The following CHD1 variants were observed in gnomAD, a reference collection of about 807,000 sequenced individuals.
CHD1 encodes chromodomain helicase DNA binding protein 1, also known as ATP-dependent chromatin remodeler CHD1.
CHD1 carries 36 observed loss-of-function variants against 224.2 expected under a neutral mutation model. The ratio of observed to expected loss-of-function variants is 0.16; its 90% confidence interval spans 0.12 to 0.21. The LOEUF (loss-of-function observed/expected upper bound fraction) is 0.21. Among genes scored for constraint, CHD1 ranks in the 10% least tolerant of loss-of-function variants. The pLI, the probability that CHD1 is intolerant of heterozygous loss-of-function variation, is 1.00. For synonymous variants in CHD1, 668 were observed against 658.3 expected (o/e 1.01, Z -0.23); for missense variants, 1,378 against 1,994.8 (o/e 0.69, Z 5.89).
chr5:98,890,249 C>T (rs2112458597), intron 15 of CHD1, among the ~76,000 whole-genome samples: 1 of 152,208 alleles, frequency 6.6e-6, no homozygotes. Flanking sequence ...TTTACAAGGT[C>T]AGTTTTTGAA....
intron 17 of CHD1, 64 bp downstream of exon 17, chr5:98,888,020 GTTAA>G (rs1750766027): frequency 9.6e-7 from 1 of 1,045,310 alleles, no homozygotes; most frequent in African/African-American, 1.6e-5. Context: ...AATAATTTCA[GTTAA>G]TTCTGTAAAA....
At chr5:98,879,418 TGA>T in intron 23 of CHD1, 132 bp downstream of exon 23, 1 of 640,014 alleles carries the variant, frequency 1.6e-6, no homozygotes, top group Non-Finnish European at 2.5e-6. Context: ...ACTCATTTCA[TGA>T]GGCAAACATT....
rs1561507642 is a variant in CHD1, at chr5:98,883,852, T to TAA, written c.2569-616_2569-615insTT. On this transcript the variant is annotated intron_variant, in intron 18 of 35. Coordinates refer to ENST00000614616, the MANE Select transcript of CHD1 (RefSeq NM_001270.4). ...ATATATATATATATATATATATATA[T>TAA]ATATATATATTTTTTTTTTTTTTTT... The TAA allele has an allele frequency of 8.1e-4, 28 of 34,442 alleles. 1 individual carries two copies. The Admixed American group carries it at 0.015, about 18-fold the overall frequency. The allele number at this position is 34,442 out of a possible 1,614,324, so 2.1% of individuals were successfully genotyped here.
In CHD1 at chr5:98,898,393, A is replaced by G. The variant is rs763343673; in HGVS notation, c.1228T>C (p.Tyr410His). ...TATGGAAGGCCCTGCCATTTGCAGT[A>G]ATAATCAGGATAACCAGCTGCTGAC... ...QKSAAGYPDY[Y>H]CKWQGLPYSE... is the part of the protein sequence containing the mutation. Residue 410 changes from tyrosine (Y) to histidine (H), a missense_variant, in exon 10 of 36, where the codon TAC becomes CAC. Around this residue, in one of 16 missense-constraint regions of CHD1, gnomAD observed 86 missense variants for 97.7 expected, o/e 0.88. Coordinates refer to ENST00000614616, the MANE Select transcript of CHD1 (RefSeq NM_001270.4). 1.2e-5 allele frequency: 19 copies of G among 1,592,436 alleles called. No individual in the cohort carries two copies. Among genetic ancestry groups the G allele is most frequent in the Non-Finnish European group, 1.6e-5 (19 of 1,171,874 alleles).
chr5:98,885,195 C>A (rs530321911), intron 18 of CHD1, among the ~76,000 whole-genome samples: 1 of 152,066 alleles, frequency 6.6e-6, no homozygotes, highest in African/African-American at 2.4e-5. Flanking sequence ...AGTTCAAGAC[C>A]GGCCTAGCCA....
Position 98,892,504 on chromosome 5 carries a change from T to C in CHD1, c.2180+21A>G, listed in dbSNP as rs114353180. On this transcript the variant is annotated intron_variant, in intron 15 of 35. Coordinates refer to ENST00000614616, the MANE Select transcript of CHD1 (RefSeq NM_001270.4). ...GTTTTCAGAATTAGAAGTTCAGAAC[T>C]GTGTTCTGTGTACAGCTTACTTGTA... The C allele has an allele frequency of 3.1e-4, 491 of 1,572,778 alleles. No individual in the cohort carries two copies. The African/African-American group carries it at 6.2e-3, about 20-fold the overall frequency.
At chr5:98,879,937 T>C (rs1413254952) in intron 22 of CHD1, among the ~76,000 whole-genome samples, 1 of 152,190 alleles carries the variant, frequency 6.6e-6, no homozygotes, top group Non-Finnish European at 1.5e-5. Context: ...CTAGGAATGA[T>C]TTTATTTTGC....
intron 25 of CHD1, 37 bp from the exon 26 acceptor site, chr5:98,873,760 T>C (rs199635821): frequency 8.4e-5 from 132 of 1,578,598 alleles, no homozygotes; most frequent in Middle Eastern, 3.4e-4. Context: ...GTAAATATGT[T>C]AAATGAAGTG....
At chr5:98,867,795 GTTTTTT>G (rs71619163) in intron 31 of CHD1, among the ~76,000 whole-genome samples, 1 of 98,064 alleles carries the variant, frequency 1.0e-5, no homozygotes, top group African/African-American at 4.0e-5. Flanking sequence ...TATCTTCCTT[GTTTTTT>G]TTTTTTTTTT....
intron 1 of CHD1, 112 bp downstream of exon 1, chr5:98,928,427 C>T (rs1361611651): frequency 6.5e-6 from 1 of 154,646 alleles, no homozygotes; most frequent in Non-Finnish European, 1.4e-5. Flanking sequence ...GCCACCCGGC[C>T]TTCACCCGGC....
intron 18 of CHD1, chr5:98,883,842 TATATATATATATATATA>T (rs1269655500): frequency 6.2e-4 from 30 of 48,536 alleles, no homozygotes; most frequent in African/African-American, 1.3e-3. Context: ...TATATATATA[TATATATATATATATATA>T]TATTTTTTTT....
rs775841258 is a variant in CHD1, at chr5:98,917,299, C to CCAAAAAAAAAAAAAAAAAAAAAA, written c.53+9034_53+9035insTTTTTTTTTTTTTTTTTTTTTTG. 7.3e-4 allele frequency among the ~76,000 whole-genome samples: 87 copies of CCAAAAAAAAAAAAAAAAAAAAAA among 119,822 alleles called. 7 individuals are homozygous for CCAAAAAAAAAAAAAAAAAAAAAA. Among genetic ancestry groups the CCAAAAAAAAAAAAAAAAAAAAAA allele is most frequent in the African/African-American group, 3.2e-3 (81 of 25,306 alleles). The allele number at this position is 119,822 out of a possible 152,430, so 78.6% of individuals were successfully genotyped here. On this transcript the variant is annotated intron_variant, in intron 2 of 35. Coordinates refer to ENST00000614616, the MANE Select transcript of CHD1 (RefSeq NM_001270.4). ...GCCCATCCCTCCAAAAACAAAGAAA[C>CCAAAAAAAAAAAAAAAAAAAAAA]AAAAAAAAAAAACAACCTCTTAATT...
intron 25 of CHD1, among the ~76,000 whole-genome samples, chr5:98,874,537 TAAAAAAAAA>T (rs70984332): frequency 4.5e-5 from 4 of 88,278 alleles, no homozygotes; most frequent in Non-Finnish European, 8.6e-5. Context: ...CCGTCTCTAC[TAAAAAAAAA>T]AAAAAAAAAA....
rs967096328 is a variant in CHD1 at position 98,856,591 on chromosome 5, G to A, written c.4922C>T (p.Ser1641Leu). ...ATATTCAGAACTTGACCGGTGGTCTGAATGTAACCGATGATCTGAGTGAGA... is the reference window on the plus strand; with the variant it reads ...ATATTCAGAACTTGACCGGTGGTCTAAATGTAACCGATGATCTGAGTGAGA... ...HRSHSDHRLH[S>L]DHRSSSEYTH... Residue 1641 changes from serine to leucine, a missense_variant, in exon 36 of 36, where the codon TCA becomes TTA. Around this residue, in one of 16 missense-constraint regions of CHD1, gnomAD observed 278 missense variants for 298.5 expected, o/e 0.93. Transcript: ENST00000614616. 2 of 1,613,590 alleles carry A rather than the reference G, an allele frequency of 1.2e-6. No individual in the cohort carries two copies. The highest frequency in any genetic ancestry group is 1.3e-5 in the African/African-American group (1 of 74,870).
intron 31 of CHD1, among the ~76,000 whole-genome samples, chr5:98,865,770 C>G (rs1316325325): frequency 2.6e-5 from 4 of 152,120 alleles, no homozygotes. Flanking sequence ...AGGTAAAATC[C>G]TATACAGGCC....
At chr5:98,918,526 T>A (rs1752888867) in intron 2 of CHD1, among the ~76,000 whole-genome samples, 1 of 150,232 alleles carries the variant, frequency 6.7e-6, no homozygotes, top group Non-Finnish European at 1.5e-5. Flanking sequence ...TCCCAGCACT[T>A]AGGGAGGCCA....
Position 98,904,970 on chromosome 5 carries a change from T to C in CHD1, c.182A>G (p.Gln61Arg), listed in dbSNP as rs771275744. The change falls in exon 3 of 36, where the codon CAG (glutamine) becomes CGG (arginine). Residue 61 changes from glutamine (Q) to arginine (R), a missense_variant. Physicochemically the swap from Gln to Arg is conservative, Grantham distance 43 (BLOSUM62 1). This residue lies in a region of CHD1 where 306 missense variants were observed against 298.1 expected (regional missense o/e 1.03). Transcript: ENST00000614616. ...DSDSGSESGSQSESESDTSRE... is the reference protein window; with the variant it reads ...DSDSGSESGSRSESESDTSRE... The stretch of plus-strand genomic sequence containing the variant: ...GGAAGTGTCTGACTCAGACTCTGAC[T>C]GACTGCCTGATTCAGATCCGGAGTC... The C allele has an allele frequency of 3.7e-6, 6 of 1,609,006 alleles. No homozygotes were observed. The highest frequency in any genetic ancestry group is 1.6e-4 in the Middle Eastern group (1 of 6,078).
chr5:98,896,354 G>C lies in CHD1; in HGVS notation c.1582C>G (p.Gln528Glu). The change falls in exon 12 of 36, where the codon CAA becomes GAA. Residue 528 changes from glutamine (Q) to glutamate (E), a missense_variant. Physicochemically the swap from Gln to Glu is conservative, Grantham distance 29. Transcript: ENST00000614616. ...SFLNYLFHEHQLYGPFLLVVP... is the reference protein window; with the variant it reads ...SFLNYLFHEHELYGPFLLVVP... ...ACCAATAAAAAAGGTCCATATAATT[G>C]ATGTTCATGAAACAAATAATTCAGA... The C allele has an allele frequency of 6.2e-7, 1 of 1,613,772 alleles. No individual in the cohort carries two copies. The highest frequency in any genetic ancestry group is 8.5e-7 in the Non-Finnish European group (1 of 1,179,786).
chr5:98,858,135 A>G, intron 35 of CHD1, 45 bp downstream of exon 35: 1 of 1,502,196 alleles, frequency 6.7e-7, no homozygotes, highest in Non-Finnish European at 9.2e-7. Flanking sequence ...TGATAAGGAG[A>G]AAAACATGCA....
Sources: gnomAD v4.1 joint callset for allele counts (sites outside exome capture counted in the v4.1 genomes callset) on GRCh38, gnomAD v4.1.1 for gene constraint, gnomAD v4.1.1 regional missense constraint, MANE v1.5 for transcripts, NCBI Gene and HGNC (gene_info 2026-07-23, HGNC 2026-07-21) for gene names.